The following CALN1 variants were observed in gnomAD, a reference collection of about 807,000 sequenced individuals.
CALN1 encodes the protein calneuron 1, also known as calcium-binding protein 8.
A neutral mutation model predicts 30.6 loss-of-function variants in CALN1; 17 were observed. The observed-to-expected ratio is 0.56, with a 90% CI of 0.38 to 0.83. The LOEUF (loss-of-function observed/expected upper bound fraction) is 0.83, where lower values mean the gene tolerates loss of function less well. Ranked by LOEUF, CALN1 falls within the 40% of genes least tolerant of loss-of-function variation. CALN1 has a pLI of 0.00. For missense variants in CALN1, 291 were observed against 354.9 expected, an observed-to-expected ratio of 0.82 and a Z score of 1.45; for synonymous variants, 156 against 131.4, an observed-to-expected ratio of 1.19 and a Z score of -1.28.
chr7:71,971,404 C>T (rs994020061), intron 5 of CALN1, among the ~76,000 whole-genome samples: 2 of 152,084 alleles, frequency 1.3e-5, no homozygotes, highest in Non-Finnish European at 2.9e-5. Context: ...GAGCTGAGAT[C>T]GTGCCACTGC....
chr7:72,188,141 G>T (rs1033892348), intron 3 of CALN1, among the ~76,000 whole-genome samples: 1 of 152,104 alleles, frequency 6.6e-6, no homozygotes, highest in African/African-American at 2.4e-5. Context: ...CGGAGGAAAA[G>T]AAATCATCAT....
At chr7:71,865,166 C>T (rs1791514674) in intron 5 of CALN1, among the ~76,000 whole-genome samples, 1 of 152,156 alleles carries the variant, frequency 6.6e-6, no homozygotes, top group Admixed American at 6.5e-5. Context: ...GAACTGTAAT[C>T]CCCAGTGTCG....
In CALN1 at chr7:72,338,384, T is replaced by G. The variant is rs188464739; in HGVS notation, c.120-59574A>C. 1.7e-3 allele frequency among the ~76,000 whole-genome samples: 251 copies of G among 152,118 alleles called. 2 individuals carry two copies. Among genetic ancestry groups the G allele is most frequent in the Non-Finnish European group, 1.0e-3 (69 of 68,000 alleles). ...AAAGCAGGCAATGCTGCTCTAAGCC[T>G]CTCATGCAAACAACTCAGCAATCAC... On this transcript the variant is annotated intron_variant, in intron 2 of 6. Transcript: ENST00000395275.
intron 5 of CALN1, among the ~76,000 whole-genome samples, chr7:71,946,784 C>T (rs781126930): frequency 5.9e-5 from 9 of 152,032 alleles, no homozygotes; most frequent in Non-Finnish European, 1.2e-4. Context: ...GTACCTGACA[C>T]GGTCTGGAAT....
chr7:71,898,156 C>T (rs1022544566), intron 5 of CALN1, among the ~76,000 whole-genome samples: 7 of 151,510 alleles, frequency 4.6e-5, no homozygotes, highest in Admixed American at 1.3e-4. Context: ...ATGGTGAAAC[C>T]CCGTCTCTAC....
At chr7:72,211,603 T>A (rs1792398496) in intron 3 of CALN1, among the ~76,000 whole-genome samples, 1 of 152,168 alleles carries the variant, frequency 6.6e-6, no homozygotes, top group Non-Finnish European at 1.5e-5. Flanking sequence ...ATAACACACC[T>A]AGAGCACGAA....
At chr7:72,301,374 G>A (rs578207963) in intron 2 of CALN1, among the ~76,000 whole-genome samples, 17 of 151,960 alleles carry the variant, frequency 1.1e-4, no homozygotes, top group East Asian at 5.9e-4. Context: ...TTGGGAGGCC[G>A]AGGCAGGTGT....
chr7:72,070,936 G>C (rs987991683), intron 4 of CALN1, among the ~76,000 whole-genome samples: 13 of 152,172 alleles, frequency 8.5e-5, no homozygotes, highest in Non-Finnish European at 1.5e-5. Context: ...CACCCAGAAA[G>C]TCAAAACAAA....
intron 4 of CALN1, among the ~76,000 whole-genome samples, chr7:72,062,078 C>G (rs1266318998): frequency 6.6e-6 from 1 of 152,132 alleles, no homozygotes; most frequent in Non-Finnish European, 1.5e-5. Context: ...AAACTGTCAA[C>G]CCAGAATTCT....
At chr7:72,053,031 A>G (rs548125352) in intron 4 of CALN1, among the ~76,000 whole-genome samples, 5 of 152,290 alleles carry the variant, frequency 3.3e-5, no homozygotes, top group East Asian at 1.9e-4. Context: ...GGAGTTCAAG[A>G]CCAGCCTGGC....
chr7:72,432,363 G>T (rs530489023), intron 1 of CALN1, among the ~76,000 whole-genome samples: 60 of 152,222 alleles, frequency 3.9e-4, no homozygotes, highest in African/African-American at 1.4e-3. Flanking sequence ...CCCAGCCTTG[G>T]ATATGTCTTT....
At chr7:72,217,637 T>C (rs1318627746) in intron 3 of CALN1, among the ~76,000 whole-genome samples, 2 of 151,830 alleles carry the variant, frequency 1.3e-5, no homozygotes, top group Non-Finnish European at 2.9e-5. Flanking sequence ...CACAGGCATC[T>C]CTAGGGTCCA....
chr7:72,204,276 T>C (rs1204081552), intron 3 of CALN1, among the ~76,000 whole-genome samples: 1 of 151,900 alleles, frequency 6.6e-6, no homozygotes, highest in Non-Finnish European at 1.5e-5. Context: ...ATTACAGGTG[T>C]GAGCCACCGC....
At chr7:72,299,817 G>A (rs969443627) in intron 2 of CALN1, among the ~76,000 whole-genome samples, 2 of 151,608 alleles carry the variant, frequency 1.3e-5, no homozygotes, top group East Asian at 1.9e-4. Context: ...TTACAGGCCT[G>A]AGCCAGCATG....
intron 5 of CALN1, among the ~76,000 whole-genome samples, chr7:71,995,227 C>G (rs900899715): frequency 6.6e-6 from 1 of 152,298 alleles, no homozygotes; most frequent in Non-Finnish European, 1.5e-5. Context: ...TTACTGTACA[C>G]GTGATGAAGA....
chr7:72,034,215 G>A (rs892204826), intron 4 of CALN1, among the ~76,000 whole-genome samples: 19 of 152,032 alleles, frequency 1.2e-4, no homozygotes, highest in Non-Finnish European at 2.1e-4. Flanking sequence ...TTAGCTGGGC[G>A]TGGTGGCGGG....
intron 3 of CALN1, among the ~76,000 whole-genome samples, chr7:72,205,153 C>T (rs1487163763): frequency 1.3e-5 from 2 of 151,612 alleles, no homozygotes; most frequent in African/African-American, 2.4e-5. Context: ...TCATTTTGTG[C>T]AAAACCTGTT....
intron 5 of CALN1, among the ~76,000 whole-genome samples, chr7:71,894,419 T>C (rs1793425113): frequency 6.6e-6 from 1 of 150,786 alleles, no homozygotes; most frequent in South Asian, 2.1e-4. Flanking sequence ...CACACGCTAC[T>C]ATGCCTGGCT....
intron 3 of CALN1, among the ~76,000 whole-genome samples, chr7:72,263,823 G>C (rs1796432879): frequency 6.6e-6 from 1 of 152,136 alleles, no homozygotes; most frequent in Non-Finnish European, 1.5e-5. Flanking sequence ...CACTGTGTTT[G>C]TTCCCAGGGA....
Sources: gnomAD v4.1 joint callset for allele counts (sites outside exome capture counted in the v4.1 genomes callset) on GRCh38, gnomAD v4.1.1 for gene constraint, MANE v1.5 for transcripts, NCBI Gene and HGNC (gene_info 2026-07-23, HGNC 2026-07-21) for gene names.